The following TBC1D1 variants were observed in gnomAD, a reference collection of about 807,000 sequenced individuals.
TBC1D1 encodes TBC1 (tre-2/USP6, BUB2, cdc16) domain family, member 1.
Under a neutral mutation model 125.6 loss-of-function variants are expected in TBC1D1, and 89 were observed. That is an observed-to-expected ratio of 0.71 (90% CI 0.60 to 0.85). The LOEUF is 0.85. TBC1D1 is among the 40% of genes least tolerant of loss of function. The probability of loss-of-function intolerance (pLI) is 0.00; values close to 1 mark genes in which losing one functional copy is unlikely to be tolerated. For missense variants in TBC1D1, 1,377 were observed against 1,469.2 expected (o/e 0.94, Z 1.03); for synonymous variants, 565 against 564.1 (o/e 1.00, Z -0.02).
intron 6 of TBC1D1, among the ~76,000 whole-genome samples, chr4:38,023,821 G>C (rs377272970): frequency 6.6e-6 from 1 of 152,048 alleles, no homozygotes; most frequent in Non-Finnish European, 1.5e-5. Context: ...CAATTCTTTC[G>C]GTTATATATC....
At chr4:38,116,307 A>G (rs1578793660) in intron 16 of TBC1D1, among the ~76,000 whole-genome samples, 1 of 151,626 alleles carries the variant, frequency 6.6e-6, no homozygotes. Flanking sequence ...TCTCAGACCT[A>G]CCTCCCAGCC....
At chr4:38,091,479 A>G (rs1758417203) in intron 13 of TBC1D1, among the ~76,000 whole-genome samples, 1 of 152,238 alleles carries the variant, frequency 6.6e-6, no homozygotes, top group South Asian at 2.1e-4. Flanking sequence ...TGCATGTGTC[A>G]TCAGTTAAAT....
chr4:38,027,703 A>C, intron 6 of TBC1D1, 85 bp from the exon 7 acceptor site: 1 of 670,556 alleles, frequency 1.5e-6, no homozygotes, highest in South Asian at 2.2e-5. Context: ...GAGAATGTGA[A>C]GGGGATGTGT....
At chr4:38,052,726 GCGCACA>G (rs1219374282) in intron 11 of TBC1D1, among the ~76,000 whole-genome samples, 85 of 69,002 alleles carry the variant, frequency 1.2e-3, no homozygotes, top group Middle Eastern at 7.1e-3. Flanking sequence ...GCGCGCGCGC[GCGCACA>G]CACACACACA....
In TBC1D1 at chr4:37,925,154, A is replaced by C. The variant is rs141076141; in HGVS notation, c.417+22642A>C. ...GGCCCTGGGCTCCATGCCGAGGCAC[A>C]CAGTCACACGTCATACCTAGTGTTC... is the stretch of plus-strand genomic sequence containing the variant. On this transcript the variant is annotated intron_variant, in intron 2 of 19. Transcript: ENST00000261439. Among the ~76,000 whole-genome samples the C allele has an allele frequency of 4.4e-3, 669 of 152,324 alleles. 6 individuals carry two copies. Among genetic ancestry groups the C allele is most frequent in the Non-Finnish European group, 8.2e-3 (556 of 68,030 alleles).
At chr4:38,087,059 C>T (rs1757606845) in intron 12 of TBC1D1, among the ~76,000 whole-genome samples, 1 of 152,176 alleles carries the variant, frequency 6.6e-6, no homozygotes, top group Non-Finnish European at 1.5e-5. Context: ...ATAATATCAC[C>T]TGTCCTATGA....
rs201750916 is a variant in TBC1D1 at position 38,093,530 on chromosome 4, T to C, written c.2237-2399T>C. ...CTGCAAGGCCGTTTTCCCCCCCCTTTTTTTTTTTTTTGAGACAGAGTTTTG... is the reference window on the plus strand; with the variant it reads ...CTGCAAGGCCGTTTTCCCCCCCCTTCTTTTTTTTTTTGAGACAGAGTTTTG... On this transcript the variant is annotated intron_variant, in intron 13 of 19. Coordinates refer to ENST00000261439, the MANE Select transcript of TBC1D1 (RefSeq NM_015173.4). Among the ~76,000 whole-genome samples, 123 of 115,006 alleles carry C rather than the reference T, an allele frequency of 1.1e-3. No homozygotes were observed. In the East Asian group the frequency reaches 0.013, roughly 12 times the overall value. 75.4% of individuals were successfully genotyped at this position (115,006 alleles called of 152,430 possible).
chr4:38,094,392 T>A (rs1183375454), intron 13 of TBC1D1, among the ~76,000 whole-genome samples: 1 of 152,150 alleles, frequency 6.6e-6, no homozygotes, highest in Non-Finnish European at 1.5e-5. Context: ...TCAGTCCTCT[T>A]CCCCTATCTC....
At chr4:38,040,428 A>G (rs1456697949) in intron 8 of TBC1D1, among the ~76,000 whole-genome samples, 2 of 152,188 alleles carry the variant, frequency 1.3e-5, no homozygotes, top group African/African-American at 4.8e-5. Context: ...AGCTGGGACT[A>G]TAGGCGTGCG....
At chr4:37,947,515 T>C (rs868104255) in intron 2 of TBC1D1, among the ~76,000 whole-genome samples, 1 of 152,102 alleles carries the variant, frequency 6.6e-6, no homozygotes, top group African/African-American at 2.4e-5. Context: ...GGCTGGAGTA[T>C]AGTCGTGCGA....
rs947002753 is a variant in TBC1D1 at position 37,926,973 on chromosome 4, C to G, written c.417+24461C>G. 2.0e-5 allele frequency among the ~76,000 whole-genome samples: 3 copies of G among 152,188 alleles called. No individual in the cohort carries two copies. In the South Asian group the frequency reaches 6.2e-4, roughly 32 times the overall value. On this transcript the variant is annotated intron_variant, in intron 2 of 19. Transcript: ENST00000261439. ...CTCTACTAAAAATACAAAAATTACC[C>G]GGGCATGGTGGCGCATGCCTGTAAC...
At position 38,138,571 on chromosome 4, in the gene TBC1D1, C is replaced by G. The variant is rs1259753596; in HGVS notation, c.*1236C>G. ...TCAGGATGACGAGGACCTGTGCCTT[C>G]AACAAGCAAAATGCTGCTCACGGTT... On this transcript the variant is annotated 3_prime_UTR_variant, in exon 20 of 20. Transcript: ENST00000261439. 3 of 152,644 alleles carry G rather than the reference C, an allele frequency of 2.0e-5. No individual in the cohort carries two copies. The highest frequency in any genetic ancestry group is 4.4e-5 in the Non-Finnish European group (3 of 68,046). 9.5% of individuals were successfully genotyped at this position (152,644 alleles called of 1,614,324 possible).
rs1764421400 is a variant in TBC1D1 at position 38,125,054 on chromosome 4, C to T, written c.3055C>T (p.Leu1019=). ...GCCCTTGATTCTGCAGCATGAAAAC[C>T]TAGAAACCATAGTTGACTTTATAAA... is the stretch of plus-strand genomic sequence containing the variant. The change falls in exon 18 of 20, where the codon CTA becomes TTA. Residue 1019 remains leucine (L), a synonymous_variant. Coordinates refer to ENST00000261439, the MANE Select transcript of TBC1D1 (RefSeq NM_015173.4). 2 of 1,613,968 alleles carry T rather than the reference C, an allele frequency of 1.2e-6. No homozygotes were observed. The highest frequency in any genetic ancestry group is 1.7e-6 in the Non-Finnish European group (2 of 1,180,026).
intron 15 of TBC1D1, among the ~76,000 whole-genome samples, chr4:38,114,042 TAC>T (rs60869418): frequency 1.6e-4 from 23 of 143,974 alleles, no homozygotes; most frequent in South Asian, 4.3e-4. Flanking sequence ...CCCATTGTTC[TAC>T]ACACACACAC....
At chr4:37,911,080 A>C (rs1051124309) in intron 2 of TBC1D1, among the ~76,000 whole-genome samples, 1 of 149,862 alleles carries the variant, frequency 6.7e-6, no homozygotes, top group African/African-American at 2.5e-5. Flanking sequence ...AAGTATTTCC[A>C]GAAGTAATAG....
intron 2 of TBC1D1, among the ~76,000 whole-genome samples, chr4:37,916,407 G>A (rs1481422354): frequency 6.6e-6 from 1 of 152,006 alleles, no homozygotes; most frequent in African/African-American, 2.4e-5. Flanking sequence ...TGATAGAGGT[G>A]CATCGTTTTT....
At chr4:37,928,630 C>T (rs1001090735) in intron 2 of TBC1D1, among the ~76,000 whole-genome samples, 3 of 152,192 alleles carry the variant, frequency 2.0e-5, no homozygotes, top group African/African-American at 7.2e-5. Flanking sequence ...AAAATCTGGA[C>T]CTTGATTTTG....
intron 4 of TBC1D1, among the ~76,000 whole-genome samples, chr4:38,019,343 C>G (rs1743503912): frequency 6.6e-6 from 1 of 152,042 alleles, no homozygotes; most frequent in Non-Finnish European, 1.5e-5. Flanking sequence ...AAAGAAAAAG[C>G]TTTGCTAAAT....
At chr4:38,070,894 T>C (rs1476170632) in intron 12 of TBC1D1, among the ~76,000 whole-genome samples, 1 of 152,252 alleles carries the variant, frequency 6.6e-6, no homozygotes, top group Non-Finnish European at 1.5e-5. Flanking sequence ...AAGTTTAAGA[T>C]GGAGACATAC....
Sources: gnomAD v4.1 joint callset for allele counts (sites outside exome capture counted in the v4.1 genomes callset) on GRCh38, gnomAD v4.1.1 for gene constraint, MANE v1.5 for transcripts, NCBI Gene and HGNC (gene_info 2026-07-23, HGNC 2026-07-21) for gene names.